The following LARGE1 variants were observed in gnomAD, a reference collection of about 807,000 sequenced individuals.
The protein encoded by LARGE1 is xylosyl- and glucuronyltransferase LARGE1.
A neutral mutation model predicts 87.6 loss-of-function variants in LARGE1; 43 were observed. The ratio of observed to expected loss-of-function variants is 0.49; its 90% CI spans 0.38 to 0.63. The LOEUF is 0.63. Ranked by LOEUF, LARGE1 falls within the 30% of genes least tolerant of loss-of-function variation. The pLI is 0.00. For synonymous variants in LARGE1, 434 were observed against 394.6 expected (o/e 1.10, Z -1.18); for missense variants, 802 against 1,000.2 (o/e 0.80, Z 2.67).
chr22:33,670,125 T>C (rs1444902659), intron 2 of LARGE1, among the ~76,000 whole-genome samples: 1 of 152,180 alleles, frequency 6.6e-6, no homozygotes, highest in Non-Finnish European at 1.5e-5. Context: ...GCCAACAAGC[T>C]CATTCTGGTT....
chr22:33,092,427 T>G, the LARGE1 span, among the ~76,000 whole-genome samples: 1 of 152,058 alleles, frequency 6.6e-6, no homozygotes, highest in Non-Finnish European at 1.5e-5. Context: ...ACAAATAAAG[T>G]GTGGACTTCT....
At chr22:33,745,794 G>A (rs543832860) in intron 2 of LARGE1, among the ~76,000 whole-genome samples, 99 of 152,160 alleles carry the variant, frequency 6.5e-4, no homozygotes, top group African/African-American at 2.1e-3. Context: ...AGACACAACC[G>A]AGCCCACTGA....
At chr22:33,111,846 C>T in the LARGE1 span, among the ~76,000 whole-genome samples, 10 of 152,088 alleles carry the variant, frequency 6.6e-5, no homozygotes, top group Non-Finnish European at 8.8e-5. Flanking sequence ...AATTATGGGG[C>T]GGGGAAGCAA....
At chr22:33,283,792 A>G (rs1930953147) in intron 12 of LARGE1, among the ~76,000 whole-genome samples, 1 of 149,140 alleles carries the variant, frequency 6.7e-6, no homozygotes, top group Admixed American at 6.6e-5. Context: ...AGGTGGGGGG[A>G]AGAAAGAGAA....
intron 13 of LARGE1, among the ~76,000 whole-genome samples, chr22:33,279,740 G>T (rs116425946): frequency 6.6e-6 from 1 of 152,194 alleles, no homozygotes; most frequent in African/African-American, 2.4e-5. Flanking sequence ...TGTCAATTTC[G>T]GGCATGATCC....
chr22:33,270,991 C>T, downstream of LARGE1, among the ~76,000 whole-genome samples: 1 of 152,194 alleles, frequency 6.6e-6, no homozygotes, highest in Non-Finnish European at 1.5e-5. Context: ...GAGAAGCATT[C>T]AGAGAATCAA....
chr22:33,772,399 G>A (rs1331846530), intron 1 of LARGE1, among the ~76,000 whole-genome samples: 1 of 151,880 alleles, frequency 6.6e-6, no homozygotes, highest in African/African-American at 2.4e-5. Flanking sequence ...GCTCCACCTA[G>A]AAGCACCTGA....
At chr22:33,712,656 G>GTGTGTGTGTGTGTGTT (rs2082769787) in intron 2 of LARGE1, among the ~76,000 whole-genome samples, 1 of 150,572 alleles carries the variant, frequency 6.6e-6, no homozygotes, top group Non-Finnish European at 1.5e-5. Context: ...GTGTGTGTGT[G>GTGTGTGTGTGTGTGTT]TGTGTGTGTG....
At chr22:33,440,502 C>A (rs1451657718) in intron 6 of LARGE1, among the ~76,000 whole-genome samples, 2 of 152,170 alleles carry the variant, frequency 1.3e-5, no homozygotes, top group Non-Finnish European at 2.9e-5. Context: ...CAGAGGCTGC[C>A]CTGACTGTCA....
chr22:33,667,369 T>G (rs2081297964), intron 2 of LARGE1, among the ~76,000 whole-genome samples: 1 of 152,242 alleles, frequency 6.6e-6, no homozygotes, highest in Non-Finnish European at 1.5e-5. Context: ...TTTATCTCAG[T>G]CTGTGAGGAA....
At chr22:33,317,565 C>T (rs2146319494) in intron 10 of LARGE1, among the ~76,000 whole-genome samples, 1 of 152,298 alleles carries the variant, frequency 6.6e-6, no homozygotes, top group East Asian at 1.9e-4. Context: ...GTACTTCTCT[C>T]TTCCTTCACC....
At chr22:33,480,526 G>A (rs1197715949) in intron 6 of LARGE1, among the ~76,000 whole-genome samples, 1 of 152,156 alleles carries the variant, frequency 6.6e-6, no homozygotes, top group Non-Finnish European at 1.5e-5. Flanking sequence ...CCTTCTTCCA[G>A]TAGAGGAGAA....
rs569088606 is a variant in LARGE1 at position 33,431,910 on chromosome 22, T to C, written c.892+251A>G. Among the ~76,000 whole-genome samples, 7 of 152,258 alleles carry C rather than the reference T, an allele frequency of 4.6e-5. No individual in the cohort carries two copies. In the South Asian group the frequency reaches 1.5e-3, roughly 32 times the overall value. On this transcript the variant is annotated intron_variant, in intron 7 of 14. Transcript: ENST00000397394. ...ATACTGATAAAGATATCCAATAGGA[T>C]CTGGATTAGAGGTCAGGAGAGGGGC...
intron 11 of LARGE1, among the ~76,000 whole-genome samples, chr22:33,173,512 G>A (rs1420887801): frequency 1.3e-5 from 2 of 151,994 alleles, no homozygotes; most frequent in Non-Finnish European, 2.9e-5. Flanking sequence ...AAATGTAAAT[G>A]GACTAAATGC....
intron 9 of LARGE1, among the ~76,000 whole-genome samples, chr22:33,342,879 C>T (rs5998889): frequency 0.14 from 20,868 of 152,098 alleles, 3,045 homozygotes; most frequent in African/African-American, 0.37. Flanking sequence ...GCAAGCCCAT[C>T]CAAAAATCTG....
chr22:33,718,011 T>C (rs571185012), intron 2 of LARGE1, among the ~76,000 whole-genome samples: 1 of 152,344 alleles, frequency 6.6e-6, no homozygotes, highest in East Asian at 1.9e-4. Flanking sequence ...GTTCCTGCCA[T>C]ACTTTGTGAG....
chr22:33,286,014 T>C (rs1435852260), intron 12 of LARGE1, among the ~76,000 whole-genome samples: 1 of 152,184 alleles, frequency 6.6e-6, no homozygotes, highest in Non-Finnish European at 1.5e-5. Context: ...CTCTTTACCA[T>C]AGTGCTCATG....
intron 2 of LARGE1, among the ~76,000 whole-genome samples, chr22:33,760,772 T>C (rs905640780): frequency 6.6e-6 from 1 of 152,008 alleles, no homozygotes; most frequent in Non-Finnish European, 1.5e-5. Context: ...ATAGAAGAAT[T>C]AGCTGAGTGT....
At chr22:33,875,077 C>G (rs1275393001) in intron 1 of LARGE1, among the ~76,000 whole-genome samples, 1 of 152,222 alleles carries the variant, frequency 6.6e-6, no homozygotes, top group African/African-American at 2.4e-5. Flanking sequence ...AAAGAATTAG[C>G]TGCTCAACAA....
Sources: gnomAD v4.1 joint callset for allele counts (sites outside exome capture counted in the v4.1 genomes callset) on GRCh38, gnomAD v4.1.1 for gene constraint, MANE v1.5 for transcripts, NCBI Gene and HGNC (gene_info 2026-07-23, HGNC 2026-07-21) for gene names.